EP400: variants seen among roughly 807,000 people sequenced by gnomAD.
EP400 encodes the protein E1A-binding protein p400.
EP400 carries 105 observed loss-of-function variants against 354.1 expected under a neutral mutation model. The observed-to-expected ratio is 0.30, with a 90% confidence interval of 0.25 to 0.35. The LOEUF (loss-of-function observed/expected upper bound fraction) is 0.35, where lower values mean the gene tolerates loss of function less well. Ranked by LOEUF, EP400 falls within the 10% of genes least tolerant of loss-of-function variation. EP400 has a pLI of 1.00. For synonymous variants in EP400, 1,646 were observed against 1,716.9 expected, an observed-to-expected ratio of 0.96 and a Z score of 1.02; for missense variants, 3,280 against 4,121.0, an observed-to-expected ratio of 0.80 and a Z score of 5.59.
At chr12:132,009,345 C>T (rs1350085280) in intron 15 of EP400, among the ~76,000 whole-genome samples, 1 of 152,166 alleles carries the variant, frequency 6.6e-6, no homozygotes, top group Non-Finnish European at 1.5e-5. Context: ...TCACAGACCC[C>T]AGGCACTTTT....
At chr12:131,981,985 G>A (rs930163956) in intron 4 of EP400, 108 bp from the exon 5 acceptor site, 1 of 1,381,454 alleles carries the variant, frequency 7.2e-7, no homozygotes, top group East Asian at 2.3e-5. Context: ...TGTGAGTGTG[G>A]TGGGTCTTGG....
intron 32 of EP400, among the ~76,000 whole-genome samples, chr12:132,042,044 C>CA (rs749792688): frequency 1.7e-4 from 26 of 151,644 alleles, no homozygotes; most frequent in Admixed American, 9.2e-4. Context: ...CTCCACCTCC[C>CA]AGGTCAAAGT....
chr12:132,021,597 T>G (rs779282573), intron 23 of EP400, among the ~76,000 whole-genome samples: 3 of 152,224 alleles, frequency 2.0e-5, no homozygotes, highest in Non-Finnish European at 4.4e-5. Context: ...ACTGCTTTGG[T>G]GCTGTGGACG....
chr12:132,018,177 A>G lies in EP400; in HGVS notation c.4111-33A>G, dbSNP rs367950636. ...TCTTAGGTGCTTTTTTTGCCTCTTCATGCAGCAAGACTTTTTTTCTTTTTC... is the reference window on the plus strand; with the variant it reads ...TCTTAGGTGCTTTTTTTGCCTCTTCGTGCAGCAAGACTTTTTTTCTTTTTC... On this transcript the variant is annotated intron_variant, in intron 20 of 52. Coordinates refer to ENST00000389561, the MANE Select transcript of EP400 (RefSeq NM_015409.5). The surrounding 1 kb of genome is among the most constrained non-coding windows in gnomAD (Gnocchi z 4.0). 1.9e-6 allele frequency: 3 copies of G among 1,604,226 alleles called. No homozygotes were observed. The highest frequency in any genetic ancestry group is 2.7e-5 in the African/African-American group (2 of 73,798).
intron 2 of EP400, among the ~76,000 whole-genome samples, chr12:131,975,230 G>A (rs1892431644): frequency 6.6e-6 from 1 of 152,126 alleles, no homozygotes. Flanking sequence ...AGTCCTCCCT[G>A]TCAGTGCTTC....
intron 1 of EP400, among the ~76,000 whole-genome samples, chr12:131,958,987 CAAG>C (rs1429181815): frequency 6.6e-6 from 1 of 152,208 alleles, no homozygotes; most frequent in Non-Finnish European, 1.5e-5. Context: ...GAAGGCACCT[CAAG>C]AAGACAGGGG....
Position 132,066,324 on chromosome 12 carries a change from A to G in EP400, c.8554-450A>G, listed in dbSNP as rs149143530. On this transcript the variant is annotated intron_variant, in intron 48 of 52. Coordinates refer to ENST00000389561, the MANE Select transcript of EP400 (RefSeq NM_015409.5). ...TACAAAAATGGAAGTACTTCCATTT[A>G]CCATTTTTTAAATGGTAACTTAAGA... 971 of 166,290 alleles carry G rather than the reference A, an allele frequency of 5.8e-3. 18 individuals carry two copies. Among genetic ancestry groups the G allele is most frequent in the South Asian group, 0.053 (344 of 6,496 alleles). The allele number at this position is 166,290 out of a possible 1,614,324, so 10.3% of individuals were successfully genotyped here. A position where few individuals can be genotyped will look rare whatever the true frequency, so the allele number is the denominator to read the frequency against.
chr12:131,989,888 A>T (rs577566392), intron 7 of EP400, 76 bp from the exon 8 acceptor site: 32 of 1,552,568 alleles, frequency 2.1e-5, no homozygotes, highest in East Asian at 6.8e-5. Context: ...GAGAAGATTT[A>T]AAAAAAGTTA....
In EP400 at chr12:131,994,658, A is replaced by G. The variant is rs1226238467; in HGVS notation, c.2738-209A>G. On this transcript the variant is annotated intron_variant, in intron 11 of 52. Transcript: ENST00000389561. This position sits in a 1 kb window ranked among gnomAD's most constrained non-coding sequence, Gnocchi z 4.6. ...AAGGTCTGCCATGTGTGGAAAAACCAGGGCTGTCATTCACAGCCTGAAGTG... is the reference window on the plus strand; with the variant it reads ...AAGGTCTGCCATGTGTGGAAAAACCGGGGCTGTCATTCACAGCCTGAAGTG... 6.6e-6 allele frequency among the ~76,000 whole-genome samples: 1 copy of G among 152,218 alleles called. No individual in the cohort carries two copies. Among genetic ancestry groups the G allele is most frequent in the Non-Finnish European group, 1.5e-5 (1 of 68,034 alleles).
Position 132,017,129 on chromosome 12 carries a change from G to T in EP400, c.3924-406G>T, listed in dbSNP as rs1421421629. Among the ~76,000 whole-genome samples the T allele has an allele frequency of 3.9e-5, 6 of 152,322 alleles. No homozygotes were observed. The East Asian group carries it at 1.2e-3, about 29-fold the overall frequency. ...TGGACCTGGGTCCTCGTCTACCCCC[G>T]CTCACTGCCTGCAGGGCCAGTGTAG... On this transcript the variant is annotated intron_variant, in intron 19 of 52. Transcript: ENST00000389561. The surrounding 1 kb of genome is among the most constrained non-coding windows in gnomAD (Gnocchi z 5.0).
In EP400 at chr12:131,992,189, G is replaced by C; in HGVS notation, c.2696G>C (p.Gly899Ala). Residue 899 changes from glycine (G) to alanine (A), a missense_variant, in exon 11 of 53, where the codon GGA becomes GCA. Physicochemically the swap from Gly to Ala is moderately conservative, Grantham distance 60. This residue lies in a region of EP400 where 800 missense variants were observed against 840.0 expected (regional missense o/e 0.95). Coordinates refer to ENST00000389561, the MANE Select transcript of EP400 (RefSeq NM_015409.5). ...QESSLDSGMS[G>A]RKRKASISLT... ...TTCTTTCAGGATTCAGGAATGTCTG[G>C]AAGAAAAAGAAAAGCTAGCATATCT... 1 of 1,609,110 alleles carries C rather than the reference G, an allele frequency of 6.2e-7. No individual in the cohort carries two copies. The highest frequency in any genetic ancestry group is 1.3e-5 in the African/African-American group (1 of 75,030).
intron 43 of EP400, among the ~76,000 whole-genome samples, chr12:132,053,951 TAGAG>T (rs538314248): frequency 9.9e-5 from 15 of 152,214 alleles, no homozygotes; most frequent in Non-Finnish European, 1.8e-4. Flanking sequence ...CCTACACACT[TAGAG>T]AGCAGGTACT....
At chr12:131,971,775 C>T (rs143535983) in intron 2 of EP400, among the ~76,000 whole-genome samples, 182 of 151,702 alleles carry the variant, frequency 1.2e-3, no homozygotes, top group Middle Eastern at 6.8e-3. Context: ...ATGTAGGGAT[C>T]GCTTTATTAT....
intron 50 of EP400, chr12:132,068,542 A>G (rs1008611639): frequency 4.6e-5 from 7 of 152,290 alleles, no homozygotes; most frequent in Non-Finnish European, 7.3e-5. Flanking sequence ...GTGTGCAGCA[A>G]TGGCATGCTC....
intron 1 of EP400, among the ~76,000 whole-genome samples, chr12:131,954,238 A>G (rs1414325216): frequency 6.6e-6 from 1 of 151,792 alleles, no homozygotes; most frequent in South Asian, 2.1e-4. Flanking sequence ...AAAAAAAAAA[A>G]CCAACACATT....
At position 132,044,400 on chromosome 12, in the gene EP400, A is replaced by T. The variant is rs887899468; in HGVS notation, c.6585+89A>T. ...TTTGGCTTGTTCAAAGTCTGTGTAC[A>T]TTGACATGAGAAAATGCCTAGGAAT... On this transcript the variant is annotated intron_variant, in intron 35 of 52. Coordinates refer to ENST00000389561, the MANE Select transcript of EP400 (RefSeq NM_015409.5). 4 of 1,492,216 alleles carry T rather than the reference A, an allele frequency of 2.7e-6. No individual in the cohort carries two copies. In the African/African-American group the frequency reaches 4.2e-5, roughly 16 times the overall value. The allele number at this position is 1,492,216 out of a possible 1,614,324, so 92.4% of individuals were successfully genotyped here. A position where few individuals can be genotyped will look rare whatever the true frequency, so the allele number is the denominator to read the frequency against.
intron 30 of EP400, among the ~76,000 whole-genome samples, chr12:132,035,463 C>G (rs866787822): frequency 6.6e-6 from 1 of 152,198 alleles, no homozygotes; most frequent in South Asian, 2.1e-4. Flanking sequence ...GGAAGTAAGG[C>G]GGACATTTTC....
At chr12:131,977,079 A>AT (rs1892504114) in intron 2 of EP400, among the ~76,000 whole-genome samples, 3 of 151,684 alleles carry the variant, frequency 2.0e-5, no homozygotes, top group African/African-American at 4.8e-5. Context: ...ACCTTTTCAT[A>AT]TTTTTTTGTA....
chr12:132,021,101 C>A lies in EP400; in HGVS notation c.4470C>A (p.Thr1490=). ...CAGCAGCAGCAGCCCCGTTTCAGAC[C>A]TCTCAGGCTTCCGCCAGTGCTCCAC... ...EAKAAAAPFQ[T]SQASASAPRH... is the part of the protein sequence containing the mutation. The change falls in exon 23 of 53, where the codon ACC becomes ACA. Residue 1490 remains threonine, a synonymous_variant. Coordinates refer to ENST00000389561, the MANE Select transcript of EP400 (RefSeq NM_015409.5). The A allele has an allele frequency of 6.3e-7, 1 of 1,599,612 alleles. No individual in the cohort carries two copies. The highest frequency in any genetic ancestry group is 8.5e-7 in the Non-Finnish European group (1 of 1,179,474).
Sources: gnomAD v4.1 joint callset for allele counts (sites outside exome capture counted in the v4.1 genomes callset) on GRCh38, gnomAD v4.1.1 for gene constraint, gnomAD v4.1.1 regional missense constraint, Gnocchi (gnomAD v3.1) non-coding constraint, MANE v1.5 for transcripts, NCBI Gene and HGNC (gene_info 2026-07-23, HGNC 2026-07-21) for gene names.